Variants in FNDC3A observed in about 807,000 individuals in gnomAD.
The protein encoded by FNDC3A is fibronectin type III domain containing 3A.
FNDC3A carries 32 observed loss-of-function variants against 148.9 expected under a neutral mutation model. That is an observed-to-expected ratio of 0.21 (90% confidence interval 0.16 to 0.29). The LOEUF (loss-of-function observed/expected upper bound fraction) is 0.29. FNDC3A is among the 10% of genes least tolerant of loss of function. The pLI, the probability that FNDC3A is intolerant of heterozygous loss-of-function variation, is 1.00. For synonymous variants in FNDC3A, 472 were observed against 473.6 expected (o/e 1.00, Z 0.04); for missense variants, 1,191 against 1,452.8 (o/e 0.82, Z 2.93).
chr13:49,165,977 C>T (rs1376580070), intron 8 of FNDC3A, among the ~76,000 whole-genome samples: 1 of 152,110 alleles, frequency 6.6e-6, no homozygotes. Context: ...AGTCCCCAGG[C>T]CTCCCAGACA....
At chr13:49,031,825 TACTA>T (rs1485116834) in intron 2 of FNDC3A, among the ~76,000 whole-genome samples, 3 of 152,128 alleles carry the variant, frequency 2.0e-5, no homozygotes, top group Non-Finnish European at 2.9e-5. Context: ...AGTTTTGTGT[TACTA>T]TCAGGAAACA....
chr13:48,979,927 C>G (rs1018914840), intron 1 of FNDC3A, among the ~76,000 whole-genome samples: 16 of 152,154 alleles, frequency 1.1e-4, no homozygotes, highest in Admixed American at 5.2e-4. Flanking sequence ...GCCAGGGGAC[C>G]TAGTTTGCTG....
chr13:49,013,740 C>A, intron 2 of FNDC3A, among the ~76,000 whole-genome samples: 1 of 105,222 alleles, frequency 9.5e-6, no homozygotes, highest in Admixed American at 1.0e-4. Context: ...AATGCTATCC[C>A]TCCCCCCTCC....
At chr13:49,126,431 G>GA (rs1881705220) in intron 4 of FNDC3A, among the ~76,000 whole-genome samples, 2 of 152,052 alleles carry the variant, frequency 1.3e-5, no homozygotes, top group African/African-American at 2.4e-5. Context: ...CTGAAGCTCT[G>GA]AACCTGTTAA....
At chr13:49,113,286 T>A (rs1880699818) in intron 3 of FNDC3A, among the ~76,000 whole-genome samples, 2 of 135,736 alleles carry the variant, frequency 1.5e-5, no homozygotes, top group African/African-American at 5.6e-5. Flanking sequence ...TTTCCCCACT[T>A]TCCTTACCCC....
intron 3 of FNDC3A, among the ~76,000 whole-genome samples, chr13:49,113,050 C>A (rs2137872229): frequency 7.0e-6 from 1 of 142,854 alleles, no homozygotes; most frequent in East Asian, 2.4e-4. Flanking sequence ...CCTCTTCTGT[C>A]CTTTCCCTCC....
In FNDC3A at chr13:49,131,508, G is replaced by A. The variant is rs1352593114; in HGVS notation, c.490+134G>A. 6 of 702,600 alleles carry A rather than the reference G, an allele frequency of 8.5e-6. No individual in the cohort carries two copies. The African/African-American group carries it at 8.8e-5, about 10-fold the overall frequency. The allele number at this position is 702,600 out of a possible 1,614,324, so 43.5% of individuals were successfully genotyped here. A position where few individuals can be genotyped will look rare whatever the true frequency, so the allele number is the denominator to read the frequency against. ...TAACAGGCATTTTTCTTTTACTCAA[G>A]TACTATATTAGGTGCTTCATCCTCA... On this transcript the variant is annotated intron_variant, in intron 5 of 25. Coordinates refer to ENST00000492622, the MANE Select transcript of FNDC3A (RefSeq NM_001079673.2).
At chr13:49,025,829 A>T (rs1873667167) in intron 2 of FNDC3A, among the ~76,000 whole-genome samples, 1 of 152,192 alleles carries the variant, frequency 6.6e-6, no homozygotes, top group Non-Finnish European at 1.5e-5. Flanking sequence ...GATCCATCAG[A>T]TACTGCTGGC....
chr13:49,183,460 G>T (rs1885405809), intron 14 of FNDC3A, among the ~76,000 whole-genome samples: 1 of 152,156 alleles, frequency 6.6e-6, no homozygotes, highest in South Asian at 2.1e-4. Flanking sequence ...TGAACATTTT[G>T]ATTATTTGTA....
chr13:49,144,429 TA>T (rs1882877162), intron 7 of FNDC3A, among the ~76,000 whole-genome samples: 1 of 152,208 alleles, frequency 6.6e-6, no homozygotes, highest in Admixed American at 6.5e-5. Context: ...GTTACAATTT[TA>T]TGGAGATTAC....
chr13:49,200,209 T>A (rs1258950398), intron 23 of FNDC3A, among the ~76,000 whole-genome samples: 1 of 152,242 alleles, frequency 6.6e-6, no homozygotes, highest in Admixed American at 6.5e-5. Context: ...TGTTTGTATC[T>A]TAGCCAGGTA....
intron 2 of FNDC3A, among the ~76,000 whole-genome samples, chr13:49,048,961 A>G (rs148982127): frequency 2.0e-5 from 3 of 152,096 alleles, no homozygotes; most frequent in Middle Eastern, 3.4e-3. Context: ...TTTGTCATAG[A>G]TGGTTTTTAT....
intron 8 of FNDC3A, among the ~76,000 whole-genome samples, chr13:49,152,712 C>T (rs1000124876): frequency 7.1e-6 from 1 of 139,866 alleles, no homozygotes; most frequent in African/African-American, 2.6e-5. Context: ...TATTCCCCTT[C>T]CTGTGTCCAT....
intron 9 of FNDC3A, among the ~76,000 whole-genome samples, chr13:49,167,949 C>G (rs1478780709): frequency 2.0e-5 from 3 of 152,094 alleles, no homozygotes; most frequent in African/African-American, 7.2e-5. Flanking sequence ...ATATCTTTTA[C>G]TACATCCTGT....
At chr13:49,149,121 C>A (rs1009418678) in intron 8 of FNDC3A, among the ~76,000 whole-genome samples, 1 of 149,466 alleles carries the variant, frequency 6.7e-6, no homozygotes, top group African/African-American at 2.5e-5. Context: ...TCAGATTTTT[C>A]TACATGTAAG....
chr13:49,027,552 A>C (rs1291913471), intron 2 of FNDC3A, among the ~76,000 whole-genome samples: 2 of 152,250 alleles, frequency 1.3e-5, no homozygotes, highest in East Asian at 3.8e-4. Context: ...AAATGTAATT[A>C]GTGTTATAGC....
At chr13:49,059,145 G>A (rs1876472593) in intron 2 of FNDC3A, among the ~76,000 whole-genome samples, 1 of 152,176 alleles carries the variant, frequency 6.6e-6, no homozygotes, top group Non-Finnish European at 1.5e-5. Context: ...GATGATGCTA[G>A]GACAACTGGA....
chr13:49,126,296 A>G (rs1881694968), intron 4 of FNDC3A, among the ~76,000 whole-genome samples: 1 of 151,842 alleles, frequency 6.6e-6, no homozygotes, highest in Non-Finnish European at 1.5e-5. Flanking sequence ...GTGGTAAAAC[A>G]CACATAACAT....
At chr13:49,003,811 C>G (rs1430520255) in intron 1 of FNDC3A, among the ~76,000 whole-genome samples, 1 of 151,792 alleles carries the variant, frequency 6.6e-6, no homozygotes, top group East Asian at 1.9e-4. Flanking sequence ...TTTTTTTCAC[C>G]CAGAGTCTGC....
Sources: allele counts gnomAD v4.1 joint callset (sites outside exome capture counted in the v4.1 genomes callset), GRCh38; gene constraint gnomAD v4.1.1; transcripts MANE v1.5; gene names NCBI Gene and HGNC (gene_info 2026-07-23, HGNC 2026-07-21).